VOPP1: variants seen among roughly 807,000 people sequenced by gnomAD.
VOPP1 encodes the protein WW domain binding protein VOPP1.
In VOPP1, 8 loss-of-function variants were observed where a neutral mutation model predicts 23.5. The observed-to-expected ratio is 0.34, with a 90% CI of 0.20 to 0.61. The LOEUF is 0.61. Among genes scored for constraint, VOPP1 ranks in the 20% least tolerant of loss-of-function variants. The pLI is 0.78. For synonymous variants in VOPP1, 83 were observed against 97.3 expected (o/e 0.85, Z 0.86); for missense variants, 174 against 238.1 (o/e 0.73, Z 1.77).
At chr7:55,516,905 CATATATATATATATAT>C (rs1214913971) in intron 2 of VOPP1, among the ~76,000 whole-genome samples, 5 of 43,158 alleles carry the variant, frequency 1.2e-4, no homozygotes, top group African/African-American at 3.7e-4. Flanking sequence ...AGATCCATTA[CATATATATATATATAT>C]ATATATATAT....
intron 1 of VOPP1, among the ~76,000 whole-genome samples, chr7:55,561,663 C>T (rs534378058): frequency 1.0e-4 from 15 of 145,938 alleles, no homozygotes; most frequent in Admixed American, 9.7e-4. Context: ...TGCCACTGCA[C>T]TCCAGCCTGG....
intron 4 of VOPP1, among the ~76,000 whole-genome samples, chr7:55,491,461 A>G (rs1475294530): frequency 1.3e-5 from 2 of 152,184 alleles, no homozygotes; most frequent in Non-Finnish European, 2.9e-5. Flanking sequence ...GGCTGGGAGC[A>G]TGGCGGTGCA....
At chr7:55,531,353 T>TC (rs1239302306) in intron 1 of VOPP1, among the ~76,000 whole-genome samples, 1 of 150,880 alleles carries the variant, frequency 6.6e-6, no homozygotes, top group Non-Finnish European at 1.5e-5. Context: ...ATCCAGAATT[T>TC]TTTTTTTTTT....
chr7:55,502,314 T>C (rs1794423503), intron 2 of VOPP1, among the ~76,000 whole-genome samples: 1 of 152,276 alleles, frequency 6.6e-6, no homozygotes, highest in Non-Finnish European at 1.5e-5. Flanking sequence ...ACAACATCTA[T>C]GTGCTCTAGC....
At chr7:55,466,463 A>G (rs888202846), downstream of VOPP1, among the ~76,000 whole-genome samples, 2 of 152,204 alleles carry the variant, frequency 1.3e-5, no homozygotes, top group African/African-American at 2.4e-5. Context: ...CAGATCCTCT[A>G]GAAAAGGATG....
At chr7:55,528,316 T>C (rs1796307159) in intron 1 of VOPP1, among the ~76,000 whole-genome samples, 1 of 152,252 alleles carries the variant, frequency 6.6e-6, no homozygotes, top group Non-Finnish European at 1.5e-5. Flanking sequence ...TAATTATGTT[T>C]CAGTTGGTAC....
At position 55,472,799 on chromosome 7, in the gene VOPP1, C is replaced by T. The variant is rs1000109684; in HGVS notation, c.*56G>A. On this transcript the variant is annotated 3_prime_UTR_variant, in exon 5 of 5. Transcript: ENST00000285279. ...TCCTGGAAGTGAACATCAACGAAGA[C>T]AGAAAGGCCAGGGAAAGGCCCTCTC... 1.9e-5 allele frequency: 17 copies of T among 876,014 alleles called. No homozygotes were observed. Among genetic ancestry groups the T allele is most frequent in the African/African-American group, 1.6e-4 (8 of 51,546 alleles). 54.3% of individuals were successfully genotyped at this position (876,014 alleles called of 1,614,324 possible).
chr7:55,463,703 G>A (rs761070328), intron 4 of VOPP1, among the ~76,000 whole-genome samples: 1 of 152,152 alleles, frequency 6.6e-6, no homozygotes, highest in South Asian at 2.1e-4. Flanking sequence ...TCCCACCCCC[G>A]CTCCCCAGCA....
intron 2 of VOPP1, among the ~76,000 whole-genome samples, chr7:55,501,891 GGTTT>G (rs920276495): frequency 5.9e-5 from 9 of 152,088 alleles, no homozygotes; most frequent in African/African-American, 2.2e-4. Flanking sequence ...CTCTCTCTCG[GGTTT>G]TACTCCAGAC....
intron 4 of VOPP1, among the ~76,000 whole-genome samples, chr7:55,480,934 A>G (rs1792660868): frequency 6.6e-6 from 1 of 152,264 alleles, no homozygotes; most frequent in South Asian, 2.1e-4. Flanking sequence ...TAAGAAAAAT[A>G]GGTTAGTTGG....
At chr7:55,540,427 A>G (rs1797075124) in intron 1 of VOPP1, among the ~76,000 whole-genome samples, 1 of 150,638 alleles carries the variant, frequency 6.6e-6, no homozygotes, top group Non-Finnish European at 1.5e-5. Context: ...ATAAATAAAT[A>G]AATAAATAAA....
chr7:55,544,979 G>C (rs966073274), intron 1 of VOPP1, among the ~76,000 whole-genome samples: 3 of 152,180 alleles, frequency 2.0e-5, no homozygotes, highest in Admixed American at 1.3e-4. Context: ...TGAGAGGATA[G>C]AGGAAGAGAG....
chr7:55,525,786 C>A (rs1424159300), intron 1 of VOPP1, among the ~76,000 whole-genome samples: 1 of 73,958 alleles, frequency 1.4e-5, no homozygotes, highest in Non-Finnish European at 2.5e-5. Context: ...GAAAAAACCT[C>A]TCTAAAAAAA....
At chr7:55,550,063 C>T (rs1008487902) in intron 1 of VOPP1, among the ~76,000 whole-genome samples, 28 of 152,338 alleles carry the variant, frequency 1.8e-4, no homozygotes, top group African/African-American at 6.3e-4. Context: ...ACTGCACAGC[C>T]GTGCACAGGC....
Position 55,514,707 on chromosome 7 carries a change from G to A in VOPP1, c.113+6365C>T, listed in dbSNP as rs147582864. 6.5e-3 allele frequency among the ~76,000 whole-genome samples: 986 copies of A among 152,338 alleles called. 16 individuals carry two copies. Among genetic ancestry groups the A allele is most frequent in the South Asian group, 0.024 (114 of 4,826 alleles). On this transcript the variant is annotated intron_variant, in intron 2 of 4. Coordinates refer to ENST00000285279, the MANE Select transcript of VOPP1 (RefSeq NM_030796.5). ...ACCAAAGAGGGGTATGGGCCACAGAGAGGGACACTCATCCCCAGCTCTCTG... is the reference window on the plus strand; with the variant it reads ...ACCAAAGAGGGGTATGGGCCACAGAAAGGGACACTCATCCCCAGCTCTCTG...
chr7:55,477,803 A>G (rs897202268), intron 4 of VOPP1, among the ~76,000 whole-genome samples: 5 of 152,226 alleles, frequency 3.3e-5, no homozygotes, highest in African/African-American at 1.2e-4. Flanking sequence ...AAGAACATGA[A>G]CCCTTAGGTT....
chr7:55,500,874 T>C (rs553341361), intron 2 of VOPP1, among the ~76,000 whole-genome samples: 1 of 152,378 alleles, frequency 6.6e-6, no homozygotes, highest in Non-Finnish European at 1.5e-5. Flanking sequence ...GAAAGCATTT[T>C]GCACAGATGC....
intron 1 of VOPP1, among the ~76,000 whole-genome samples, chr7:55,529,251 G>A (rs1796357305): frequency 6.6e-6 from 1 of 151,906 alleles, no homozygotes; most frequent in African/African-American, 2.4e-5. Flanking sequence ...TGTAGTCTCA[G>A]CTACTTGGGA....
intron 4 of VOPP1, among the ~76,000 whole-genome samples, chr7:55,446,487 T>A (rs1244028726): frequency 6.6e-6 from 1 of 152,190 alleles, no homozygotes; most frequent in Admixed American, 6.5e-5. Context: ...GGATGCTACA[T>A]CCTGTGATGG....
Sources: allele counts gnomAD v4.1 joint callset (sites outside exome capture counted in the v4.1 genomes callset), GRCh38; gene constraint gnomAD v4.1.1; transcripts MANE v1.5; gene names NCBI Gene and HGNC (gene_info 2026-07-23, HGNC 2026-07-21).